SCAPER: variants seen among roughly 807,000 people sequenced by gnomAD.
SCAPER encodes the protein S phase cyclin A-associated protein in the endoplasmic reticulum.
In SCAPER, 98 loss-of-function variants were observed where a neutral mutation model predicts 182.2. The observed-to-expected ratio is 0.54, with a 90% confidence interval of 0.46 to 0.64. SCAPER has a LOEUF of 0.64. Ranked by LOEUF, SCAPER falls within the 30% of genes least tolerant of loss-of-function variation. SCAPER has a pLI of 0.00. For synonymous variants in SCAPER, 605 were observed against 564.6 expected, an observed-to-expected ratio of 1.07 and a Z score of -1.01; for missense variants, 1,432 against 1,690.0, an observed-to-expected ratio of 0.85 and a Z score of 2.68.
At chr15:76,537,558 A>G (rs2144674812) in intron 23 of SCAPER, among the ~76,000 whole-genome samples, 1 of 152,290 alleles carries the variant, frequency 6.6e-6, no homozygotes, top group East Asian at 1.9e-4. Flanking sequence ...ACCTTATACA[A>G]AAATTAATTC....
intron 17 of SCAPER, among the ~76,000 whole-genome samples, chr15:76,712,526 GGCAGTAT>G: frequency 6.6e-6 from 1 of 152,224 alleles, no homozygotes; most frequent in South Asian, 2.1e-4. Context: ...AATTACCTTG[GGCAGTAT>G]GGCCATTTTC....
chr15:76,723,063 T>A (rs939789608), intron 17 of SCAPER, among the ~76,000 whole-genome samples: 7 of 152,174 alleles, frequency 4.6e-5, no homozygotes, highest in African/African-American at 1.7e-4. Flanking sequence ...CTTGTGGGTA[T>A]TTAGGGCTAT....
intron 20 of SCAPER, among the ~76,000 whole-genome samples, chr15:76,699,314 C>T (rs279994): frequency 0.97 from 147,579 of 152,236 alleles, 71,686 homozygotes; most frequent in South Asian, 1. Flanking sequence ...ATAGGAGTGG[C>T]GAGAGTGGGA....
intron 5 of SCAPER, among the ~76,000 whole-genome samples, chr15:76,814,434 A>T (rs550573435): frequency 6.6e-6 from 1 of 152,296 alleles, no homozygotes; most frequent in East Asian, 1.9e-4. Context: ...GAACAACGAA[A>T]TGTAACAGAA....
At chr15:76,720,659 T>C (rs372081988) in intron 17 of SCAPER, among the ~76,000 whole-genome samples, 4 of 152,342 alleles carry the variant, frequency 2.6e-5, no homozygotes, top group African/African-American at 2.4e-5. Context: ...TGGTTTTGAT[T>C]TGCATTTCTC....
chr15:76,469,657 G>T (rs2049977231), intron 25 of SCAPER, among the ~76,000 whole-genome samples: 1 of 151,908 alleles, frequency 6.6e-6, no homozygotes, highest in African/African-American at 2.4e-5. Flanking sequence ...CCCCAACTTG[G>T]GTATGATACA....
At chr15:76,904,660 A>G (rs1568443665) in intron 1 of SCAPER, 1 of 152,274 alleles carries the variant, frequency 6.6e-6, no homozygotes, top group East Asian at 1.9e-4. Flanking sequence ...GCTGTTTTGG[A>G]AAAGAGCAGC....
At chr15:76,884,687 T>C (rs1467865544) in intron 1 of SCAPER, among the ~76,000 whole-genome samples, 1 of 152,252 alleles carries the variant, frequency 6.6e-6, no homozygotes, top group Non-Finnish European at 1.5e-5. Flanking sequence ...AGTAAACATA[T>C]GTCCGGATAA....
At chr15:76,423,577 G>C (rs910043268) in intron 26 of SCAPER, among the ~76,000 whole-genome samples, 1 of 152,094 alleles carries the variant, frequency 6.6e-6, no homozygotes, top group Non-Finnish European at 1.5e-5. Context: ...CCAGCTCCTG[G>C]ATTCATTGAT....
rs1290319578 is a variant in SCAPER, at chr15:76,721,250, A to C, written c.2165+7345T>G. ...CAGGTAGTTGTAGATATGCGGCATT[A>C]TTTCTGAGGGCTCTGTTCTGTTCCA... On this transcript the variant is annotated intron_variant, in intron 17 of 31. Coordinates refer to ENST00000563290, the MANE Select transcript of SCAPER (RefSeq NM_020843.4). Among the ~76,000 whole-genome samples the C allele has an allele frequency of 3.9e-5, 6 of 152,060 alleles. 1 individual carries two copies. In the South Asian group the frequency reaches 1.2e-3, roughly 32 times the overall value.
At chr15:76,505,173 G>A (rs187568905) in intron 23 of SCAPER, among the ~76,000 whole-genome samples, 199 bp from the exon 24 acceptor site, 45 of 152,214 alleles carry the variant, frequency 3.0e-4, no homozygotes, top group Admixed American at 2.2e-3. Flanking sequence ...TAAAACATAT[G>A]GTTGCTGTCC....
intron 22 of SCAPER, among the ~76,000 whole-genome samples, chr15:76,613,850 T>A (rs2051214118): frequency 1.3e-5 from 2 of 152,168 alleles, no homozygotes; most frequent in Non-Finnish European, 2.9e-5. Context: ...GACAGTGTGG[T>A]GATTCCTCAA....
intron 17 of SCAPER, among the ~76,000 whole-genome samples, chr15:76,722,305 G>A (rs1054200942): frequency 2.0e-5 from 3 of 152,132 alleles, no homozygotes; most frequent in Non-Finnish European, 4.4e-5. Flanking sequence ...TAAGCTTTTC[G>A]ATGTGTTGCT....
At position 76,498,376 on chromosome 15, in the gene SCAPER, A is replaced by G. The variant is rs558452762; in HGVS notation, c.2954+6483T>C. The G allele has an allele frequency of 3.9e-5, 6 of 152,296 alleles. 1 individual carries two copies. Among genetic ancestry groups the G allele is most frequent in the African/African-American group, 1.4e-4 (6 of 41,552 alleles). The allele number at this position is 152,296 out of a possible 1,614,324, so 9.4% of individuals were successfully genotyped here. ...GAGCACAGTGAGATATCTTCTTTCTATTGTAAGAGGAATTGCATCAGCCTC... is the reference window on the plus strand; with the variant it reads ...GAGCACAGTGAGATATCTTCTTTCTGTTGTAAGAGGAATTGCATCAGCCTC... On this transcript the variant is annotated intron_variant, in intron 24 of 31. Transcript: ENST00000563290.
intron 24 of SCAPER, among the ~76,000 whole-genome samples, chr15:76,494,576 T>G (rs908728205): frequency 1.3e-5 from 2 of 152,338 alleles, no homozygotes; most frequent in East Asian, 1.9e-4. Flanking sequence ...GTGAAAGTTT[T>G]ATGTTCATAA....
Position 76,807,219 on chromosome 15 carries a change from G to T in SCAPER, c.394-2586C>A, listed in dbSNP as rs75711846. On this transcript the variant is annotated intron_variant, in intron 5 of 31. Transcript: ENST00000563290. ...GATTTTTCATAGATACTCTTTATCA[G>T]GTTAAGGAATTTCCCTATTGAATGT... 5.3e-3 allele frequency among the ~76,000 whole-genome samples: 813 copies of T among 152,280 alleles called. 12 individuals carry two copies. Among genetic ancestry groups the T allele is most frequent in the African/African-American group, 0.018 (754 of 41,554 alleles).
chr15:76,724,054 G>C (rs942041205), intron 17 of SCAPER, among the ~76,000 whole-genome samples: 4 of 152,072 alleles, frequency 2.6e-5, no homozygotes, highest in Non-Finnish European at 5.9e-5. Context: ...TTTGCAGTGG[G>C]TGGTACCGGT....
intron 23 of SCAPER, among the ~76,000 whole-genome samples, chr15:76,550,455 T>C (rs1052261904): frequency 1.3e-5 from 2 of 152,226 alleles, no homozygotes; most frequent in African/African-American, 4.8e-5. Flanking sequence ...TTTGGTTTTC[T>C]GTGCCTATGT....
chr15:76,489,029 C>A (rs2051999715), intron 24 of SCAPER, among the ~76,000 whole-genome samples: 1 of 150,216 alleles, frequency 6.7e-6, no homozygotes, highest in Non-Finnish European at 1.5e-5. Context: ...AGCCATCTTG[C>A]CTTTTATAAG....
Sources: gnomAD v4.1 joint callset for allele counts (sites outside exome capture counted in the v4.1 genomes callset) on GRCh38, gnomAD v4.1.1 for gene constraint, MANE v1.5 for transcripts, NCBI Gene and HGNC (gene_info 2026-07-23, HGNC 2026-07-21) for gene names.